The following C11orf96 variants were observed in gnomAD, a reference collection of about 807,000 sequenced individuals.
C11orf96 encodes the protein chromosome 11 open reading frame 96, also known as uncharacterized protein C11orf96.
C11orf96 carries 6 observed loss-of-function variants against 7.6 expected under a neutral mutation model. The observed-to-expected ratio is 0.79, with a 90% CI of 0.43 to 1.55. The LOEUF (loss-of-function observed/expected upper bound fraction) is 1.55. Among genes scored for constraint, C11orf96 ranks in the 40% most tolerant of loss-of-function variants. The pLI is 0.01. For missense variants in C11orf96, 150 were observed against 167.3 expected (o/e 0.90, Z 0.57); for synonymous variants, 72 against 79.0 (o/e 0.91, Z 0.47).
chr11:43,943,215 T>A lies in C11orf96; in HGVS notation c.311T>A (p.Leu104His). ...TQSLSLQREQ[L>H]SSCKLRNSLD... is the part of the protein sequence containing the mutation. Reference sequence around the variant, plus strand: ...AGCCTGTCGCTGCAGCGGGAGCAGCTCAGCAGCTGCAAACTGAGGAACAGC... The same window carrying A: ...AGCCTGTCGCTGCAGCGGGAGCAGCACAGCAGCTGCAAACTGAGGAACAGC... The change falls in exon 1 of 1, where the codon CTC becomes CAC. Residue 104 changes from leucine to histidine, a missense_variant. Leu to His is a moderately conservative substitution (Grantham distance 99). This residue lies in a region of C11orf96 where 69 missense variants were observed against 69.1 expected (regional missense o/e 1.00). Coordinates refer to ENST00000617612, the MANE Select transcript of C11orf96 (RefSeq NM_001145033.2). The surrounding 1 kb of genome is among the most constrained non-coding windows in gnomAD (Gnocchi z 4.8). The A allele has an allele frequency of 3.3e-6, 5 of 1,524,590 alleles. No individual in the cohort carries two copies. In the South Asian group the frequency reaches 6.1e-5, roughly 19 times the overall value. 94.4% of individuals were successfully genotyped at this position (1,524,590 alleles called of 1,614,324 possible). A position where few individuals can be genotyped will look rare whatever the true frequency, so the allele number is the denominator to read the frequency against.
chr11:43,942,782 G>A lies in C11orf96; in HGVS notation c.-123G>A. ...CCGCGAGGGCCGCCGCCACCCCGCA[G>A]CAGATTTGGATCCCCCGCCCGGCGA... On this transcript the variant is annotated 5_prime_UTR_variant, in exon 1 of 1. Transcript: ENST00000617612. 1 of 505,862 alleles carries A rather than the reference G, an allele frequency of 2.0e-6. No homozygotes were observed. The highest frequency in any genetic ancestry group is 2.5e-6 in the Non-Finnish European group (1 of 399,008). 31.3% of individuals were successfully genotyped at this position (505,862 alleles called of 1,614,324 possible).
At position 43,942,675 on chromosome 11, in the gene C11orf96, G is replaced by A; in HGVS notation, c.-230G>A. On this transcript the variant is annotated 5_prime_UTR_variant, in exon 1 of 1. Coordinates refer to ENST00000617612, the MANE Select transcript of C11orf96 (RefSeq NM_001145033.2). ...AGCGGCGGCGAGCGCCTCGGAGCGC[G>A]GCGGAACAGCGCCCCCCGAGCCCCG... 1.4e-5 allele frequency: 3 copies of A among 220,078 alleles called. No homozygotes were observed. The highest frequency in any genetic ancestry group is 4.5e-5 in the South Asian group (1 of 22,092). The allele number at this position is 220,078 out of a possible 1,614,324, so 13.6% of individuals were successfully genotyped here. A position where few individuals can be genotyped will look rare whatever the true frequency, so the allele number is the denominator to read the frequency against.
rs750934442 is a variant in C11orf96, at chr11:43,943,399, G to A, written c.*126G>A. The A allele has an allele frequency of 1.0e-5, 14 of 1,395,004 alleles. No homozygotes were observed. The Admixed American group carries it at 1.3e-4, about 13-fold the overall frequency. The allele number at this position is 1,395,004 out of a possible 1,614,324, so 86.4% of individuals were successfully genotyped here. ...AGGACCCGGGACCGCCGCTCCTCGC[G>A]CGCTCGGACTCCCGCCCCGCTGCGA... is the stretch of plus-strand genomic sequence containing the variant. On this transcript the variant is annotated 3_prime_UTR_variant, in exon 1 of 1. Coordinates refer to ENST00000617612, the MANE Select transcript of C11orf96 (RefSeq NM_001145033.2). The surrounding 1 kb of genome is among the most constrained non-coding windows in gnomAD (Gnocchi z 4.8).
chr11:43,943,592 C>T lies in C11orf96; in HGVS notation c.*319C>T. 4 of 1,309,936 alleles carry T rather than the reference C, an allele frequency of 3.1e-6. No homozygotes were observed. Among genetic ancestry groups the T allele is most frequent in the Non-Finnish European group, 2.0e-6 (2 of 992,856 alleles). The allele number at this position is 1,309,936 out of a possible 1,614,324, so 81.1% of individuals were successfully genotyped here. A position where few individuals can be genotyped will look rare whatever the true frequency, so the allele number is the denominator to read the frequency against. On this transcript the variant is annotated 3_prime_UTR_variant, in exon 1 of 1. Coordinates refer to ENST00000617612, the MANE Select transcript of C11orf96 (RefSeq NM_001145033.2). This position sits in a 1 kb window ranked among gnomAD's most constrained non-coding sequence, Gnocchi z 4.8. The stretch of plus-strand genomic sequence containing the variant: ...GCGCTGAGTCGGCGGCGGGTAGCCA[C>T]TCCATGCCCTTGTCCGATGGTTTGC...
chr11:43,943,278 C>A lies in C11orf96; in HGVS notation c.*5C>A, dbSNP rs1357231474. 1.2e-5 allele frequency: 18 copies of A among 1,483,068 alleles called. No individual in the cohort carries two copies. In the East Asian group the frequency reaches 3.8e-4, roughly 31 times the overall value. The allele number at this position is 1,483,068 out of a possible 1,614,324, so 91.9% of individuals were successfully genotyped here. On this transcript the variant is annotated 3_prime_UTR_variant, in exon 1 of 1. Coordinates refer to ENST00000617612, the MANE Select transcript of C11orf96 (RefSeq NM_001145033.2). This position sits in a 1 kb window ranked among gnomAD's most constrained non-coding sequence, Gnocchi z 4.8. Reference sequence around the variant, plus strand: ...GACTCCGACTCGGCCCTGTAAGGGGCGCCGCCCGCGGGGGGGACGCGCGCG... The same window carrying A: ...GACTCCGACTCGGCCCTGTAAGGGGAGCCGCCCGCGGGGGGGACGCGCGCG...
rs1952129331 is a variant in C11orf96, at chr11:43,943,457, T to G, written c.*184T>G. 2 of 1,421,090 alleles carry G rather than the reference T, an allele frequency of 1.4e-6. No individual in the cohort carries two copies. Among genetic ancestry groups the G allele is most frequent in the South Asian group, 1.2e-5 (1 of 82,014 alleles). 88.0% of individuals were successfully genotyped at this position (1,421,090 alleles called of 1,614,324 possible). A position where few individuals can be genotyped will look rare whatever the true frequency, so the allele number is the denominator to read the frequency against. On this transcript the variant is annotated 3_prime_UTR_variant, in exon 1 of 1. Transcript: ENST00000617612. This position sits in a 1 kb window ranked among gnomAD's most constrained non-coding sequence, Gnocchi z 4.8. ...GGTGCGCCCCTCGCCGCGCTCGCCCTGGCCCGGGAGCGCCGGGAGCGGGGC... is the reference window on the plus strand; with the variant it reads ...GGTGCGCCCCTCGCCGCGCTCGCCCGGGCCCGGGAGCGCCGGGAGCGGGGC...
In C11orf96 at chr11:43,942,868, C is replaced by T. The variant is rs570132958; in HGVS notation, c.-37C>T. On this transcript the variant is annotated 5_prime_UTR_variant, in exon 1 of 1. Transcript: ENST00000617612. The stretch of plus-strand genomic sequence containing the variant: ...AGCGGCCGCCCTCGGAGAGCCCCGG[C>T]GCCCCGCCGCCCGGCCCCGCAGACG... 2.2e-5 allele frequency: 28 copies of T among 1,253,116 alleles called. No individual in the cohort carries two copies. Among genetic ancestry groups the T allele is most frequent in the South Asian group, 2.7e-5 (1 of 36,524 alleles). 77.6% of individuals were successfully genotyped at this position (1,253,116 alleles called of 1,614,324 possible). A position where few individuals can be genotyped will look rare whatever the true frequency, so the allele number is the denominator to read the frequency against.
chr11:43,943,302 C>T lies in C11orf96; in HGVS notation c.*29C>T. ...GCGCCGCCCGCGGGGGGGACGCGCG[C>T]GTCCGCGGTCCGCGCGGGGACCGGC... On this transcript the variant is annotated 3_prime_UTR_variant, in exon 1 of 1. Coordinates refer to ENST00000617612, the MANE Select transcript of C11orf96 (RefSeq NM_001145033.2). This position sits in a 1 kb window ranked among gnomAD's most constrained non-coding sequence, Gnocchi z 4.8. 1.4e-6 allele frequency: 2 copies of T among 1,450,810 alleles called. No homozygotes were observed. The highest frequency in any genetic ancestry group is 1.5e-5 in the African/African-American group (1 of 66,222). 89.9% of individuals were successfully genotyped at this position (1,450,810 alleles called of 1,614,324 possible). A position where few individuals can be genotyped will look rare whatever the true frequency, so the allele number is the denominator to read the frequency against.
At position 43,942,899 on chromosome 11, in the gene C11orf96, G is replaced by T; in HGVS notation, c.-6G>T. ...GCCGCCCGGCCCCGCAGACGCCGGA[G>T]GCGCCATGGCCGCCAAGCCCGGCGA... On this transcript the variant is annotated 5_prime_UTR_variant, in exon 1 of 1. The change creates a new upstream start codon in the 5' untranslated region. Coordinates refer to ENST00000617612, the MANE Select transcript of C11orf96 (RefSeq NM_001145033.2). The T allele has an allele frequency of 1.5e-6, 2 of 1,363,162 alleles. No homozygotes were observed. The highest frequency in any genetic ancestry group is 1.9e-6 in the Non-Finnish European group (2 of 1,057,846). The allele number at this position is 1,363,162 out of a possible 1,614,324, so 84.4% of individuals were successfully genotyped here.
Position 43,943,510 on chromosome 11 carries a change from T to C in C11orf96, c.*237T>C, listed in dbSNP as rs1208192163. 7.4e-7 allele frequency: 1 copy of C among 1,353,032 alleles called. No individual in the cohort carries two copies. The highest frequency in any genetic ancestry group is 9.8e-7 in the Non-Finnish European group (1 of 1,022,090). 83.8% of individuals were successfully genotyped at this position (1,353,032 alleles called of 1,614,324 possible). A position where few individuals can be genotyped will look rare whatever the true frequency, so the allele number is the denominator to read the frequency against. On this transcript the variant is annotated 3_prime_UTR_variant, in exon 1 of 1. Transcript: ENST00000617612. This position sits in a 1 kb window ranked among gnomAD's most constrained non-coding sequence, Gnocchi z 4.8. ...CTTTCCTCGTCCTTGTAAATGTTTATTTTTTAACTCTTCCCAGTGCGAACT... is the reference window on the plus strand; with the variant it reads ...CTTTCCTCGTCCTTGTAAATGTTTACTTTTTAACTCTTCCCAGTGCGAACT...
chr11:43,943,721 G>A lies in C11orf96; in HGVS notation c.*448G>A, dbSNP rs1440606716. ...ACTTTTATAATTGTTAGGCGTGGCC[G>A]TTGGGACTTTGGGCGCAGCGCGGCT... On this transcript the variant is annotated 3_prime_UTR_variant, in exon 1 of 1. Transcript: ENST00000617612. The surrounding 1 kb of genome is among the most constrained non-coding windows in gnomAD (Gnocchi z 4.8). The A allele has an allele frequency of 1.5e-6, 2 of 1,304,432 alleles. No individual in the cohort carries two copies. Among genetic ancestry groups the A allele is most frequent in the South Asian group, 2.5e-5 (2 of 81,034 alleles). The allele number at this position is 1,304,432 out of a possible 1,614,324, so 80.8% of individuals were successfully genotyped here.
Position 43,942,901 on chromosome 11 carries a change from C to A in C11orf96, c.-4C>A, listed in dbSNP as rs1378639023. ...CGCCCGGCCCCGCAGACGCCGGAGG[C>A]GCCATGGCCGCCAAGCCCGGCGAGC... On this transcript the variant is annotated 5_prime_UTR_variant, in exon 1 of 1. Transcript: ENST00000617612. 2 of 1,381,672 alleles carry A rather than the reference C, an allele frequency of 1.4e-6. No individual in the cohort carries two copies. The highest frequency in any genetic ancestry group is 1.9e-6 in the Non-Finnish European group (2 of 1,067,940). The allele number at this position is 1,381,672 out of a possible 1,614,324, so 85.6% of individuals were successfully genotyped here.
In C11orf96 at chr11:43,943,603, T is replaced by C. The variant is rs760077700; in HGVS notation, c.*330T>C. On this transcript the variant is annotated 3_prime_UTR_variant, in exon 1 of 1. Transcript: ENST00000617612. The surrounding 1 kb of genome is among the most constrained non-coding windows in gnomAD (Gnocchi z 4.8). ...GCGGCGGGTAGCCACTCCATGCCCT[T>C]GTCCGATGGTTTGCAACTCCGATTT... The C allele has an allele frequency of 3.1e-6, 4 of 1,307,866 alleles. No homozygotes were observed. The highest frequency in any genetic ancestry group is 1.2e-5 in the South Asian group (1 of 81,068). 81.0% of individuals were successfully genotyped at this position (1,307,866 alleles called of 1,614,324 possible).
chr11:43,942,975 G>T lies in C11orf96; in HGVS notation c.71G>T (p.Cys24Phe). The change falls in exon 1 of 1, where the codon TGC becomes TTC. Residue 24 changes from cysteine to phenylalanine, a missense_variant. Cys to Phe is a radical substitution (Grantham distance 205, BLOSUM62 -2). Around this residue, in one of 3 missense-constraint regions of C11orf96, gnomAD observed 77 missense variants for 80.5 expected, o/e 0.96. Coordinates refer to ENST00000617612, the MANE Select transcript of C11orf96 (RefSeq NM_001145033.2). ...SYQAVMPHFV[C>F]LADEFPQPVR... ...CAGGCGGTGATGCCGCACTTCGTGT[G>T]CCTGGCCGACGAGTTCCCGCAGCCC... 1 of 1,499,322 alleles carries T rather than the reference G, an allele frequency of 6.7e-7. No homozygotes were observed. Among genetic ancestry groups the T allele is most frequent in the Non-Finnish European group, 8.9e-7 (1 of 1,126,218 alleles). The allele number at this position is 1,499,322 out of a possible 1,614,324, so 92.9% of individuals were successfully genotyped here.
chr11:43,943,527 G>C lies in C11orf96; in HGVS notation c.*254G>C. 1 of 1,331,284 alleles carries C rather than the reference G, an allele frequency of 7.5e-7. No individual in the cohort carries two copies. Among genetic ancestry groups the C allele is most frequent in the Non-Finnish European group, 9.9e-7 (1 of 1,007,356 alleles). The allele number at this position is 1,331,284 out of a possible 1,614,324, so 82.5% of individuals were successfully genotyped here. ...AATGTTTATTTTTTAACTCTTCCCA[G>C]TGCGAACTCTGCTGTGAGTGTGTGC... On this transcript the variant is annotated 3_prime_UTR_variant, in exon 1 of 1. Transcript: ENST00000617612. The surrounding 1 kb of genome is among the most constrained non-coding windows in gnomAD (Gnocchi z 4.8).
Position 43,943,285 on chromosome 11 carries a change from C to G in C11orf96, c.*12C>G. The G allele has an allele frequency of 6.8e-7, 1 of 1,479,240 alleles. No individual in the cohort carries two copies. The highest frequency in any genetic ancestry group is 8.9e-7 in the Non-Finnish European group (1 of 1,118,588). The allele number at this position is 1,479,240 out of a possible 1,614,324, so 91.6% of individuals were successfully genotyped here. On this transcript the variant is annotated 3_prime_UTR_variant, in exon 1 of 1. Transcript: ENST00000617612. This position sits in a 1 kb window ranked among gnomAD's most constrained non-coding sequence, Gnocchi z 4.8. Reference sequence around the variant, plus strand: ...ACTCGGCCCTGTAAGGGGCGCCGCCCGCGGGGGGGACGCGCGCGTCCGCGG... The same window carrying G: ...ACTCGGCCCTGTAAGGGGCGCCGCCGGCGGGGGGGACGCGCGCGTCCGCGG...
rs1208852485 is a variant in C11orf96 at position 43,943,484 on chromosome 11, G to C, written c.*211G>C. On this transcript the variant is annotated 3_prime_UTR_variant, in exon 1 of 1. Transcript: ENST00000617612. The surrounding 1 kb of genome is among the most constrained non-coding windows in gnomAD (Gnocchi z 4.8). ...GCCCGGGAGCGCCGGGAGCGGGGCC[G>C]CTTTCCTCGTCCTTGTAAATGTTTA... is the stretch of plus-strand genomic sequence containing the variant. 15 of 1,395,302 alleles carry C rather than the reference G, an allele frequency of 1.1e-5. No individual in the cohort carries two copies. The highest frequency in any genetic ancestry group is 1.4e-5 in the Non-Finnish European group (15 of 1,050,028). 86.4% of individuals were successfully genotyped at this position (1,395,302 alleles called of 1,614,324 possible).
At position 43,943,162 on chromosome 11, in the gene C11orf96, C is replaced by A; in HGVS notation, c.258C>A (p.Ser86Arg). The change falls in exon 1 of 1, where the codon AGC (serine) becomes AGA (arginine). Residue 86 changes from serine (S) to arginine (R), a missense_variant. By Grantham distance (110) the Ser-to-Arg change is moderately radical (BLOSUM62 -1). Around this residue, in one of 3 missense-constraint regions of C11orf96, gnomAD observed 69 missense variants for 69.1 expected, o/e 1.00. Transcript: ENST00000617612. This position sits in a 1 kb window ranked among gnomAD's most constrained non-coding sequence, Gnocchi z 4.8. ...EEKAKKSFLQ[S>R]LECLRRSTQS... is the part of the protein sequence containing the mutation. ...AGGCCAAGAAGTCGTTCCTGCAGAG[C>A]CTGGAGTGCCTGCGCCGCAGCACGC... is the stretch of plus-strand genomic sequence containing the variant. 1 of 1,504,144 alleles carries A rather than the reference C, an allele frequency of 6.6e-7. No homozygotes were observed. Among genetic ancestry groups the A allele is most frequent in the South Asian group, 1.3e-5 (1 of 78,130 alleles). 93.2% of individuals were successfully genotyped at this position (1,504,144 alleles called of 1,614,324 possible).
At position 43,942,768 on chromosome 11, in the gene C11orf96, G is replaced by T. The variant is rs1590393022; in HGVS notation, c.-137G>T. ...GCGCCGGCCCGGGCCCGCGAGGGCC[G>T]CCGCCACCCCGCAGCAGATTTGGAT... On this transcript the variant is annotated 5_prime_UTR_variant, in exon 1 of 1. Coordinates refer to ENST00000617612, the MANE Select transcript of C11orf96 (RefSeq NM_001145033.2). 9 of 304,734 alleles carry T rather than the reference G, an allele frequency of 3.0e-5. No homozygotes were observed. The South Asian group carries it at 1.2e-3, about 41-fold the overall frequency. The allele number at this position is 304,734 out of a possible 1,614,324, so 18.9% of individuals were successfully genotyped here.
Sources: gnomAD v4.1 joint callset for allele counts on GRCh38, gnomAD v4.1.1 for gene constraint, gnomAD v4.1.1 regional missense constraint, Gnocchi (gnomAD v3.1) non-coding constraint, MANE v1.5 for transcripts, NCBI Gene and HGNC (gene_info 2026-07-23, HGNC 2026-07-21) for gene names.